Variants in ANKAR observed in about 807,000 individuals in gnomAD.
ANKAR encodes the protein ankyrin and armadillo repeat-containing protein.
A neutral mutation model predicts 146.2 loss-of-function variants in ANKAR; 136 were observed. That is an observed-to-expected ratio of 0.93 (90% confidence interval 0.81 to 1.07). ANKAR has a LOEUF of 1.07. ANKAR is among the 50% of genes least tolerant of loss of function. ANKAR has a pLI of 0.00. For missense variants in ANKAR, 1,567 were observed against 1,679.9 expected (o/e 0.93, Z 1.18); for synonymous variants, 500 against 575.8 (o/e 0.87, Z 1.88).
intron 7 of ANKAR, among the ~76,000 whole-genome samples, chr2:189,702,938 T>A (rs1419564677): frequency 6.6e-6 from 1 of 152,186 alleles, no homozygotes; most frequent in Non-Finnish European, 1.5e-5. Context: ...GGACAGATAA[T>A]TCATCATTCA....
chr2:189,754,501 A>G, intron 18 of ANKAR: 1 of 664,378 alleles, frequency 1.5e-6, no homozygotes, highest in Non-Finnish European at 2.5e-6. Context: ...GCTGATATTC[A>G]GGTAAGCAGA....
downstream of ANKAR, chr2:189,761,688 T>C (rs750090032): frequency 1.9e-5 from 28 of 1,474,000 alleles, no homozygotes; most frequent in South Asian, 4.1e-4. Context: ...AAACAACTTA[T>C]TATTTGCAAC....
intron 18 of ANKAR, chr2:189,752,614 A>C (rs2045451281): frequency 1.9e-6 from 3 of 1,600,864 alleles, no homozygotes; most frequent in African/African-American, 2.7e-5. Context: ...TGTCTTAAGT[A>C]ATGTAACTTG....
chr2:189,699,020 C>T (rs1366516702), intron 7 of ANKAR, among the ~76,000 whole-genome samples: 1 of 152,024 alleles, frequency 6.6e-6, no homozygotes, highest in Non-Finnish European at 1.5e-5. Flanking sequence ...AGTTAGTCTC[C>T]CTCACTTGAA....
intron 5 of ANKAR, among the ~76,000 whole-genome samples, chr2:189,694,027 G>T (rs1490966079): frequency 6.6e-6 from 1 of 152,044 alleles, no homozygotes; most frequent in Non-Finnish European, 1.5e-5. Flanking sequence ...GGGATTACGG[G>T]CATGAGCCAC....
rs369325780 is a variant in ANKAR at position 189,705,073 on chromosome 2, G to A, written c.1759G>A (p.Val587Ile). ...ACAGGCTTGCTCATTAGAAACAACAGTTTGTCTACTGTGTTCCAAAGCTGA... is the reference window on the plus strand; with the variant it reads ...ACAGGCTTGCTCATTAGAAACAACAATTTGTCTACTGTGTTCCAAAGCTGA... ...AAQACSLETT[V>I]CLLCSKADYT... The change falls in exon 8 of 23, where the codon GTT becomes ATT. Residue 587 changes from valine (V) to isoleucine (I), a missense_variant. Coordinates refer to ENST00000684021, the MANE Select transcript of ANKAR (RefSeq NM_001378068.1). 1 of 1,614,054 alleles carries A rather than the reference G, an allele frequency of 6.2e-7. No homozygotes were observed. Among genetic ancestry groups the A allele is most frequent in the South Asian group, 1.1e-5 (1 of 91,072 alleles).
At position 189,720,705 on chromosome 2, in the gene ANKAR, T is replaced by C; in HGVS notation, c.2553T>C (p.Cys851=). 1 of 1,513,306 alleles carries C rather than the reference T, an allele frequency of 6.6e-7. No individual in the cohort carries two copies. The highest frequency in any genetic ancestry group is 8.8e-7 in the Non-Finnish European group (1 of 1,133,852). 93.7% of individuals were successfully genotyped at this position (1,513,306 alleles called of 1,614,324 possible). Residue 851 remains cysteine (C), a synonymous_variant, in exon 12 of 23, where the codon TGT becomes TGC. Transcript: ENST00000684021. ...VNVMNCIRVL[C]IGNENNQRAV... ...TAATGAACTGTATACGGGTATTGTG[T>C]ATAGGAAATGAAAACAATCAAAGAG...
intron 18 of ANKAR, among the ~76,000 whole-genome samples, chr2:189,760,713 C>T (rs1465200611): frequency 1.3e-5 from 2 of 151,944 alleles, no homozygotes; most frequent in Non-Finnish European, 2.9e-5. Flanking sequence ...ATCGTTTGAA[C>T]TCGAGAGGCG....
chr2:189,733,311 A>G, intron 17 of ANKAR, 82 bp downstream of exon 17: 3 of 1,197,986 alleles, frequency 2.5e-6, no homozygotes, highest in Non-Finnish European at 3.4e-6. Flanking sequence ...AGTCTTCTTC[A>G]TGGCAATATT....
At chr2:189,675,570 A>G (rs1163009281) in intron 1 of ANKAR, among the ~76,000 whole-genome samples, 1 of 151,846 alleles carries the variant, frequency 6.6e-6, no homozygotes, top group South Asian at 2.1e-4. Flanking sequence ...CTGTTCTCGA[A>G]CTCCTGACAT....
intron 22 of ANKAR, among the ~76,000 whole-genome samples, 161 bp downstream of exon 22, chr2:189,744,949 G>C (rs1019275364): frequency 2.0e-5 from 3 of 147,316 alleles, no homozygotes; most frequent in Admixed American, 2.0e-4. Flanking sequence ...CTTGAGGTCA[G>C]GAGTTCAACA....
In ANKAR at chr2:189,754,308, C is replaced by G. The variant is rs767533734; in HGVS notation, c.*585-6790C>G. On this transcript the variant is annotated intron_variant and NMD_transcript_variant, in intron 18 of 18. Transcript: ENST00000441800. Reference sequence around the variant, plus strand: ...GGCTTTCCCACCACTCATGGTGGAGCACTCTGGATGTTTTATTAAAGAAAG... The same window carrying G: ...GGCTTTCCCACCACTCATGGTGGAGGACTCTGGATGTTTTATTAAAGAAAG... The G allele has an allele frequency of 1.1e-5, 17 of 1,613,142 alleles. No individual in the cohort carries two copies. The Admixed American group carries it at 2.8e-4, about 27-fold the overall frequency.
chr2:189,728,842 T>C lies in ANKAR; in HGVS notation c.3193+21T>C, dbSNP rs988339612. ...TATTGGTTTGTATACTTATTCTCAATTTCTTAAATATCTGTAAGAACAAGA... is the reference window on the plus strand; with the variant it reads ...TATTGGTTTGTATACTTATTCTCAACTTCTTAAATATCTGTAAGAACAAGA... On this transcript the variant is annotated intron_variant, in intron 15 of 22. Coordinates refer to ENST00000684021, the MANE Select transcript of ANKAR (RefSeq NM_001378068.1). The C allele has an allele frequency of 2.5e-6, 4 of 1,596,346 alleles. No homozygotes were observed. The African/African-American group carries it at 5.4e-5, about 21-fold the overall frequency.
chr2:189,728,349 T>C lies in ANKAR; in HGVS notation c.2960T>C (p.Met987Thr). ...AGQTLKQQKY[M>T]AEQIGYSFII... is the part of the protein sequence containing the mutation. ...CAAACACTAAAACAACAAAAATATA[T>C]GGCAGAACAAATTGGATACAGCTTT... The change falls in exon 14 of 23, where the codon ATG (methionine) becomes ACG (threonine). Residue 987 changes from methionine to threonine, a missense_variant. Physicochemically the swap from Met to Thr is moderately conservative, Grantham distance 81. Coordinates refer to ENST00000684021, the MANE Select transcript of ANKAR (RefSeq NM_001378068.1). The C allele has an allele frequency of 6.2e-7, 1 of 1,613,444 alleles. No homozygotes were observed. The highest frequency in any genetic ancestry group is 8.5e-7 in the Non-Finnish European group (1 of 1,179,784).
intron 1 of ANKAR, among the ~76,000 whole-genome samples, chr2:189,675,592 C>A (rs907436453): frequency 6.6e-6 from 1 of 152,098 alleles, no homozygotes; most frequent in African/African-American, 2.4e-5. Context: ...AGTTGATCTG[C>A]CCGACTTGGC....
At chr2:189,736,287 C>G (rs1410404022) in intron 17 of ANKAR, among the ~76,000 whole-genome samples, 1 of 152,156 alleles carries the variant, frequency 6.6e-6, no homozygotes, top group African/African-American at 2.4e-5. Flanking sequence ...GGAAATCAGT[C>G]AAGTCTTAGC....
chr2:189,730,092 A>T (rs1198822638), intron 15 of ANKAR, among the ~76,000 whole-genome samples: 2 of 152,170 alleles, frequency 1.3e-5, no homozygotes, highest in Admixed American at 6.5e-5. Context: ...TAATTTAAGA[A>T]ACCAAGAAAT....
In ANKAR at chr2:189,752,714, C is replaced by G. The variant is rs767725539; in HGVS notation, c.*584+7926C>G. The G allele has an allele frequency of 3.1e-6, 5 of 1,613,736 alleles. No individual in the cohort carries two copies. Among genetic ancestry groups the G allele is most frequent in the Admixed American group, 1.7e-5 (1 of 59,998 alleles). ...ATGCCCAAGCCAGCACGTAGTCTTT[C>G]AATACCATTCCTAAATAAGAAGCAT... On this transcript the variant is annotated intron_variant and NMD_transcript_variant, in intron 18 of 18. Transcript: ENST00000441800.
At chr2:189,716,442 A>G (rs1346852997) in intron 10 of ANKAR, among the ~76,000 whole-genome samples, 1 of 152,170 alleles carries the variant, frequency 6.6e-6, no homozygotes, top group African/African-American at 2.4e-5. Flanking sequence ...ATAAAAGAGG[A>G]CACAAACAAA....
Sources: gnomAD v4.1 joint callset for allele counts (sites outside exome capture counted in the v4.1 genomes callset) on GRCh38, gnomAD v4.1.1 for gene constraint, MANE v1.5 for transcripts, NCBI Gene and HGNC (gene_info 2026-07-23, HGNC 2026-07-21) for gene names.